Variants in WDR33 observed in about 807,000 individuals in gnomAD.
The protein encoded by WDR33 is WD repeat domain 33, also known as pre-mRNA 3' end processing protein WDR33.
Under a neutral mutation model 164.9 loss-of-function variants are expected in WDR33, and 47 were observed. That is an observed-to-expected ratio of 0.29 (90% confidence interval 0.23 to 0.36). The LOEUF (loss-of-function observed/expected upper bound fraction) is 0.36, where lower values mean the gene tolerates loss of function less well. Among genes scored for constraint, WDR33 ranks in the 10% least tolerant of loss-of-function variants. WDR33 has a pLI of 1.00. For missense variants in WDR33, 1,137 were observed against 1,754.1 expected, an observed-to-expected ratio of 0.65 and a Z score of 6.28; for synonymous variants, 505 against 589.0, an observed-to-expected ratio of 0.86 and a Z score of 2.06.
intron 1 of WDR33, among the ~76,000 whole-genome samples, chr2:127,792,145 G>A (rs1688862455): frequency 6.6e-6 from 1 of 151,422 alleles, no homozygotes. Flanking sequence ...CACCGTGTTG[G>A]TCAGGCTGGT....
rs964347652 is a variant in WDR33, at chr2:127,723,428, T to C, written c.1197-81A>G. 5.6e-6 allele frequency: 6 copies of C among 1,062,572 alleles called. No individual in the cohort carries two copies. In the African/African-American group the frequency reaches 9.5e-5, roughly 17 times the overall value. 65.8% of individuals were successfully genotyped at this position (1,062,572 alleles called of 1,614,324 possible). A position where few individuals can be genotyped will look rare whatever the true frequency, so the allele number is the denominator to read the frequency against. ...TAAACAGTACTAGGCAGACCCTTGGTAAACACAACACATTTTTACAATTTG... is the reference window on the plus strand; with the variant it reads ...TAAACAGTACTAGGCAGACCCTTGGCAAACACAACACATTTTTACAATTTG... On this transcript the variant is annotated intron_variant, in intron 11 of 21. Coordinates refer to ENST00000322313, the MANE Select transcript of WDR33 (RefSeq NM_018383.5). The surrounding 1 kb of genome is among the most constrained non-coding windows in gnomAD (Gnocchi z 5.9).
At position 127,704,058 on chromosome 2, in the gene WDR33, A is replaced by C. The variant is rs1444586763; in HGVS notation, c.*2265T>G. ...AAGATCACTTGAGCCCAGGAGGTTG[A>C]GGCTGCAGTGAACTGTGATCACACC... is the stretch of plus-strand genomic sequence containing the variant. On this transcript the variant is annotated 3_prime_UTR_variant, in exon 22 of 22. Transcript: ENST00000322313. The C allele has an allele frequency of 6.0e-6, 1 of 166,406 alleles. No homozygotes were observed. Among genetic ancestry groups the C allele is most frequent in the African/African-American group, 2.4e-5 (1 of 41,398 alleles). 10.3% of individuals were successfully genotyped at this position (166,406 alleles called of 1,614,324 possible).
chr2:127,723,380 G>A lies in WDR33; in HGVS notation c.1197-33C>T, dbSNP rs1686486963. 5 of 1,591,922 alleles carry A rather than the reference G, an allele frequency of 3.1e-6. No homozygotes were observed. The highest frequency in any genetic ancestry group is 1.7e-5 in the Admixed American group (1 of 59,798). On this transcript the variant is annotated intron_variant, in intron 11 of 21. Coordinates refer to ENST00000322313, the MANE Select transcript of WDR33 (RefSeq NM_018383.5). This position sits in a 1 kb window ranked among gnomAD's most constrained non-coding sequence, Gnocchi z 5.9. ...AATAATTAAAGGAGAAAAGAAGCATGGCTTCACTATTTTTTTGGGCACTAA... is the reference window on the plus strand; with the variant it reads ...AATAATTAAAGGAGAAAAGAAGCATAGCTTCACTATTTTTTTGGGCACTAA...
Position 127,708,078 on chromosome 2 carries a change from C to G in WDR33, c.3781+599G>C, listed in dbSNP as rs1350740105. Among the ~76,000 whole-genome samples the G allele has an allele frequency of 6.6e-6, 1 of 152,174 alleles. No homozygotes were observed. Among genetic ancestry groups the G allele is most frequent in the Non-Finnish European group, 1.5e-5 (1 of 68,032 alleles). ...TCCCAGAAGCTTCCGAGCCACACCA[C>G]CTATGCACCTCCCCCGCTGCCTTGC... On this transcript the variant is annotated intron_variant, in intron 21 of 21. Coordinates refer to ENST00000322313, the MANE Select transcript of WDR33 (RefSeq NM_018383.5). The surrounding 1 kb of genome is among the most constrained non-coding windows in gnomAD (Gnocchi z 6.7).
rs1168798768 is a variant in WDR33, at chr2:127,764,637, A to C, written c.626+191T>G. ...ACATATTGCAAAGGCTGATACCGGG[A>C]CAACACTACTTCAGAAAGGTGCCAG... On this transcript the variant is annotated intron_variant, in intron 6 of 21. Coordinates refer to ENST00000322313, the MANE Select transcript of WDR33 (RefSeq NM_018383.5). The surrounding 1 kb of genome is among the most constrained non-coding windows in gnomAD (Gnocchi z 6.2). 1.3e-6 allele frequency: 2 copies of C among 1,557,460 alleles called. No homozygotes were observed. The highest frequency in any genetic ancestry group is 2.7e-5 in the African/African-American group (2 of 73,068).
intron 7 of WDR33, among the ~76,000 whole-genome samples, chr2:127,731,804 G>A (rs1285311840): frequency 6.6e-6 from 1 of 152,060 alleles, no homozygotes; most frequent in Admixed American, 6.6e-5. Context: ...TATACTGCAG[G>A]GCCAGGCACT....
chr2:127,799,973 T>C (rs1689180216), intron 1 of WDR33, among the ~76,000 whole-genome samples: 1 of 152,016 alleles, frequency 6.6e-6, no homozygotes, highest in South Asian at 2.1e-4. Flanking sequence ...AGAGGGAAAA[T>C]AAGAAGTGTT....
intron 1 of WDR33, among the ~76,000 whole-genome samples, chr2:127,806,815 A>G (rs977218572): frequency 6.6e-6 from 1 of 152,202 alleles, no homozygotes; most frequent in Non-Finnish European, 1.5e-5. Context: ...CGTAGGAAAA[A>G]GCATTATTTC....
chr2:127,720,190 A>T lies in WDR33; in HGVS notation c.1835T>A (p.Met612Lys). The change falls in exon 16 of 22, where the codon ATG becomes AAG. Residue 612 changes from methionine to lysine, a missense_variant. Met to Lys is a moderately conservative substitution (Grantham distance 95, BLOSUM62 -1). Transcript: ENST00000322313. The surrounding 1 kb of genome is among the most constrained non-coding windows in gnomAD (Gnocchi z 5.9). ...QQPHPSQQMPMNMAQMGPPGP... is the reference protein window; with the variant it reads ...QQPHPSQQMPKNMAQMGPPGP... The stretch of plus-strand genomic sequence containing the variant: ...TGGAGGCCCCATTTGAGCCATGTTC[A>T]TTGGCATCTGCTGAGATGGATGGGG... The T allele has an allele frequency of 6.2e-7, 1 of 1,612,750 alleles. No homozygotes were observed. Among genetic ancestry groups the T allele is most frequent in the Admixed American group, 1.7e-5 (1 of 59,728 alleles).
In WDR33 at chr2:127,719,785, C is replaced by T. The variant is rs769272156; in HGVS notation, c.2240G>A (p.Arg747Lys). 1.2e-6 allele frequency: 2 copies of T among 1,613,724 alleles called. No individual in the cohort carries two copies. The highest frequency in any genetic ancestry group is 2.7e-5 in the African/African-American group (2 of 74,922). ...AGGATGAGGAGGCCCTTGCATTCCT[C>T]TGGGACCAGGTGGTCCCTGCATACC... ...TQGMQGPPGPRGMQGPPHPHG... is the reference protein window; with the variant it reads ...TQGMQGPPGPKGMQGPPHPHG... The change falls in exon 16 of 22, where the codon AGA (arginine) becomes AAA (lysine). Residue 747 changes from arginine (R) to lysine (K), a missense_variant. Physicochemically the swap from Arg to Lys is conservative, Grantham distance 26 (BLOSUM62 2). Transcript: ENST00000322313. The surrounding 1 kb of genome is among the most constrained non-coding windows in gnomAD (Gnocchi z 6.5).
At position 127,750,727 on chromosome 2, in the gene WDR33, C is replaced by CATAT. The variant is rs1199695849; in HGVS notation, c.724+12331_724+12334dup. On this transcript the variant is annotated intron_variant, in intron 7 of 21. Transcript: ENST00000322313. ...ATATATATATATGTATGTATGCATA[C>CATAT]ATATATATGTATGCATACATATATA... Among the ~76,000 whole-genome samples the CATAT allele has an allele frequency of 1.7e-3, 70 of 42,142 alleles. 2 individuals are homozygous for CATAT. The highest frequency in any genetic ancestry group is 2.2e-3 in the African/African-American group (16 of 7,142). The allele number at this position is 42,142 out of a possible 152,430, so 27.6% of individuals were successfully genotyped here. A position where few individuals can be genotyped will look rare whatever the true frequency, so the allele number is the denominator to read the frequency against.
At chr2:127,742,308 G>C (rs1316038255) in intron 7 of WDR33, among the ~76,000 whole-genome samples, 1 of 152,018 alleles carries the variant, frequency 6.6e-6, no homozygotes, top group Non-Finnish European at 1.5e-5. Context: ...TATGTGGATT[G>C]CTTGAGCTCA....
chr2:127,754,686 G>T (rs542771994), intron 7 of WDR33, among the ~76,000 whole-genome samples: 1 of 148,162 alleles, frequency 6.7e-6, no homozygotes, highest in East Asian at 2.0e-4. Context: ...GCCTCCCAAA[G>T]AGCTGGGATT....
At chr2:127,803,929 C>T (rs1689341333) in intron 1 of WDR33, among the ~76,000 whole-genome samples, 1 of 124,490 alleles carries the variant, frequency 8.0e-6, no homozygotes, top group South Asian at 2.5e-4. Flanking sequence ...GCCTGGGCAA[C>T]GAAGTGAGAC....
intron 1 of WDR33, among the ~76,000 whole-genome samples, chr2:127,788,043 G>T (rs1451616539): frequency 1.2e-5 from 1 of 84,754 alleles, no homozygotes; most frequent in Admixed American, 1.0e-4. Context: ...CCTCCCTCCC[G>T]GACGGGGCGG....
At chr2:127,778,471 A>C (rs982198580) in intron 1 of WDR33, among the ~76,000 whole-genome samples, 3 of 151,458 alleles carry the variant, frequency 2.0e-5, no homozygotes, top group Non-Finnish European at 4.4e-5. Context: ...GAAACAAACA[A>C]AAACAAAAAA....
At position 127,766,724 on chromosome 2, in the gene WDR33, A is replaced by G. The variant is rs576705622; in HGVS notation, c.379-1455T>C. Among the ~76,000 whole-genome samples, 13 of 152,304 alleles carry G rather than the reference A, an allele frequency of 8.5e-5. No individual in the cohort carries two copies. In the East Asian group the frequency reaches 2.3e-3, roughly 27 times the overall value. On this transcript the variant is annotated intron_variant, in intron 4 of 21. Coordinates refer to ENST00000322313, the MANE Select transcript of WDR33 (RefSeq NM_018383.5). ...CCCTTTAACCAAATTCCCTGATTAAAAAAAAAATTAGACTACACACTGGTT... is the reference window on the plus strand; with the variant it reads ...CCCTTTAACCAAATTCCCTGATTAAGAAAAAAATTAGACTACACACTGGTT...
chr2:127,751,036 T>G (rs957659829), intron 7 of WDR33, among the ~76,000 whole-genome samples: 1 of 151,674 alleles, frequency 6.6e-6, no homozygotes, highest in African/African-American at 2.4e-5. Flanking sequence ...CATTAAAACC[T>G]AAAAACTGTA....
intron 7 of WDR33, among the ~76,000 whole-genome samples, chr2:127,747,255 G>A (rs889048558): frequency 7.9e-5 from 12 of 151,982 alleles, no homozygotes; most frequent in African/African-American, 1.4e-4. Flanking sequence ...TTTTCCATAC[G>A]AAATTATGTA....
Sources: gnomAD v4.1 joint callset for allele counts (sites outside exome capture counted in the v4.1 genomes callset) on GRCh38, gnomAD v4.1.1 for gene constraint, Gnocchi (gnomAD v3.1) non-coding constraint, MANE v1.5 for transcripts, NCBI Gene and HGNC (gene_info 2026-07-23, HGNC 2026-07-21) for gene names.